The following NIBAN2 variants were observed in gnomAD, a reference collection of about 807,000 sequenced individuals.
NIBAN2 encodes niban apoptosis regulator 2.
NIBAN2 carries 36 observed loss-of-function variants against 81.8 expected under a neutral mutation model. The observed-to-expected ratio is 0.44, with a 90% CI of 0.34 to 0.58. NIBAN2 has a LOEUF of 0.58. NIBAN2 is among the 20% of genes least tolerant of loss of function. The probability of loss-of-function intolerance (pLI) is 0.02; values close to 1 mark genes in which losing one functional copy is unlikely to be tolerated. For missense variants in NIBAN2, 897 were observed against 1,014.1 expected (o/e 0.88, Z 1.57); for synonymous variants, 445 against 441.6 (o/e 1.01, Z -0.10).
chr9:127,525,896 C>G (rs1461831192), intron 3 of NIBAN2, among the ~76,000 whole-genome samples: 1 of 152,152 alleles, frequency 6.6e-6, no homozygotes, highest in African/African-American at 2.4e-5. Context: ...CACAAGCGTC[C>G]TCTGGAGAAT....
intron 1 of NIBAN2, 38 bp from the exon 2 acceptor site, chr9:127,531,816 G>T (rs1284729639): frequency 1.2e-6 from 2 of 1,612,408 alleles, no homozygotes; most frequent in Non-Finnish European, 8.5e-7. Flanking sequence ...GAGGTCCTCA[G>T]GGATGCTGAT....
Position 127,508,665 on chromosome 9 carries a change from G to A in NIBAN2, c.1318-127C>T, listed in dbSNP as rs961248245. On this transcript the variant is annotated intron_variant, in intron 10 of 13. Coordinates refer to ENST00000373312, the MANE Select transcript of NIBAN2 (RefSeq NM_022833.4). The surrounding 1 kb of genome is among the most constrained non-coding windows in gnomAD (Gnocchi z 6.4). ...GGCCTGCCAGGGAGGAATGGCAAGC[G>A]GTCTATGCCCACTCACAGCTCTGCA... 22 of 825,846 alleles carry A rather than the reference G, an allele frequency of 2.7e-5. No individual in the cohort carries two copies. Among genetic ancestry groups the A allele is most frequent in the Admixed American group, 1.3e-4 (7 of 55,518 alleles). The allele number at this position is 825,846 out of a possible 1,614,324, so 51.2% of individuals were successfully genotyped here.
rs1466930140 is a variant in NIBAN2 at position 127,544,286 on chromosome 9, A to G, written c.56-12508T>C. 6.6e-5 allele frequency among the ~76,000 whole-genome samples: 10 copies of G among 152,118 alleles called. No individual in the cohort carries two copies. The East Asian group carries it at 1.7e-3, about 26-fold the overall frequency. On this transcript the variant is annotated intron_variant, in intron 1 of 13. Transcript: ENST00000373312. ...TTCTGGAGCCATGCTTAAAACAAGAAGCAAACCCTGAGCTCAGAACAGCCT... is the reference window on the plus strand; with the variant it reads ...TTCTGGAGCCATGCTTAAAACAAGAGGCAAACCCTGAGCTCAGAACAGCCT...
rs1277 is a variant in NIBAN2 at position 127,505,498 on chromosome 9, C to G, written c.*1347G>C. ...AGAGATGCGCCAGAGACCAGGGCTG[C>G]GGCAGCTGGGGGTCCCTGAGTGCCA... On this transcript the variant is annotated 3_prime_UTR_variant, in exon 14 of 14. Transcript: ENST00000373312. 0.8 allele frequency: 121,540 copies of G among 152,802 alleles called. 48,761 individuals are homozygous for G. The highest frequency in any genetic ancestry group is 0.83 in the Middle Eastern group (245 of 294). 9.5% of individuals were successfully genotyped at this position (152,802 alleles called of 1,614,324 possible).
chr9:127,571,470 G>A (rs1009208654), upstream of NIBAN2, among the ~76,000 whole-genome samples: 3 of 152,222 alleles, frequency 2.0e-5, no homozygotes, highest in African/African-American at 7.2e-5. Context: ...GGCCGAGGCA[G>A]GCAGATCACG....
chr9:127,513,932 G>T (rs1370254779), intron 8 of NIBAN2, among the ~76,000 whole-genome samples: 1 of 152,124 alleles, frequency 6.6e-6, no homozygotes, highest in Non-Finnish European at 1.5e-5. Context: ...GCGCAACAGG[G>T]TGACTATAAT....
At chr9:127,529,549 A>C (rs1837140448) in intron 2 of NIBAN2, among the ~76,000 whole-genome samples, 1 of 152,186 alleles carries the variant, frequency 6.6e-6, no homozygotes. Flanking sequence ...CTGAGGTATG[A>C]GAATCGCTTG....
At chr9:127,557,723 G>A (rs1241568882) in intron 1 of NIBAN2, among the ~76,000 whole-genome samples, 2 of 152,242 alleles carry the variant, frequency 1.3e-5, no homozygotes, top group African/African-American at 4.8e-5. Context: ...CACTGAGAAA[G>A]TCACTCCTCT....
intron 3 of NIBAN2, among the ~76,000 whole-genome samples, chr9:127,526,132 T>A (rs1165438810): frequency 1.3e-5 from 2 of 151,940 alleles, no homozygotes; most frequent in Admixed American, 1.3e-4. Context: ...CCGGGTGCAG[T>A]GGCTCACGCC....
intron 2 of NIBAN2, 48 bp from the exon 3 acceptor site, chr9:127,527,370 G>A (rs769698560): frequency 6.4e-7 from 1 of 1,557,662 alleles, no homozygotes; most frequent in Non-Finnish European, 8.8e-7. Flanking sequence ...TGGGGGGGTG[G>A]TGCTCCCCAT....
At chr9:127,567,712 G>A (rs951790008) in intron 1 of NIBAN2, among the ~76,000 whole-genome samples, 7 of 152,258 alleles carry the variant, frequency 4.6e-5, no homozygotes, top group African/African-American at 1.2e-4. Flanking sequence ...GGTGCTCAGG[G>A]CCCACTAGAC....
At chr9:127,569,354 G>A (rs1486636382), upstream of NIBAN2, among the ~76,000 whole-genome samples, 1 of 151,758 alleles carries the variant, frequency 6.6e-6, no homozygotes, top group Non-Finnish European at 1.5e-5. Flanking sequence ...CAAAGAGAAG[G>A]TCCCAGAAAG....
intron 2 of NIBAN2, 63 bp downstream of exon 2, chr9:127,531,585 C>A: frequency 6.5e-7 from 1 of 1,546,638 alleles, no homozygotes; most frequent in Non-Finnish European, 8.8e-7. Flanking sequence ...AGTAAGGTCA[C>A]TCCCCCGAGG....
intron 1 of NIBAN2, among the ~76,000 whole-genome samples, chr9:127,567,504 C>G (rs1161220148): frequency 6.6e-6 from 1 of 152,212 alleles, no homozygotes; most frequent in Non-Finnish European, 1.5e-5. Flanking sequence ...GGGACTCTGG[C>G]CTTGGGACTT....
At chr9:127,531,410 G>A (rs537881854) in intron 2 of NIBAN2, among the ~76,000 whole-genome samples, 1 of 152,236 alleles carries the variant, frequency 6.6e-6, no homozygotes, top group South Asian at 2.1e-4. Context: ...CTTGAACCTG[G>A]GAGGCGGAGG....
rs778990077 is a variant in NIBAN2, at chr9:127,507,315, C to T, written c.1771G>A (p.Glu591Lys). The T allele has an allele frequency of 1.6e-5, 25 of 1,575,616 alleles. No individual in the cohort carries two copies. Among genetic ancestry groups the T allele is most frequent in the South Asian group, 6.8e-5 (6 of 88,162 alleles). ...CCCCCGCCGCTGTTGCTGTACTCCT[C>T]GCCCCAGTCGATGGGGGCGCCCTCG... ...LAEGAPIDWGEEYSNSGGGGS... is the reference protein window; with the variant it reads ...LAEGAPIDWGKEYSNSGGGGS... The change falls in exon 14 of 14, where the codon GAG becomes AAG. Residue 591 changes from glutamate (E) to lysine (K), a missense_variant. Glu to Lys is a moderately conservative substitution (Grantham distance 56). Transcript: ENST00000373312. The surrounding 1 kb of genome is among the most constrained non-coding windows in gnomAD (Gnocchi z 6.8).
At chr9:127,528,641 G>C (rs569564601) in intron 2 of NIBAN2, among the ~76,000 whole-genome samples, 1 of 152,234 alleles carries the variant, frequency 6.6e-6, no homozygotes, top group Admixed American at 6.5e-5. Flanking sequence ...GGACCTGCAG[G>C]CTTCTTCCTA....
At chr9:127,526,161 G>A (rs778338230) in intron 3 of NIBAN2, among the ~76,000 whole-genome samples, 2 of 151,950 alleles carry the variant, frequency 1.3e-5, no homozygotes, top group Non-Finnish European at 2.9e-5. Context: ...CAGCACTTTG[G>A]GAGGCCGAGG....
Position 127,508,884 on chromosome 9 carries a change from G to T in NIBAN2, c.1317+92C>A. The T allele has an allele frequency of 7.0e-7, 1 of 1,430,466 alleles. No homozygotes were observed. Among genetic ancestry groups the T allele is most frequent in the South Asian group, 1.2e-5 (1 of 86,558 alleles). 88.6% of individuals were successfully genotyped at this position (1,430,466 alleles called of 1,614,324 possible). ...TGCCAGGCAAGCGTGGCTATGGCAT[G>T]ACGGGACGGAGCAGAAGGGACCCCC... On this transcript the variant is annotated intron_variant, in intron 10 of 13. Coordinates refer to ENST00000373312, the MANE Select transcript of NIBAN2 (RefSeq NM_022833.4). This position sits in a 1 kb window ranked among gnomAD's most constrained non-coding sequence, Gnocchi z 6.4.
Sources: gnomAD v4.1 joint callset for allele counts (sites outside exome capture counted in the v4.1 genomes callset) on GRCh38, gnomAD v4.1.1 for gene constraint, Gnocchi (gnomAD v3.1) non-coding constraint, MANE v1.5 for transcripts, NCBI Gene and HGNC (gene_info 2026-07-23, HGNC 2026-07-21) for gene names.